TTC21A: variants seen among roughly 807,000 people sequenced by gnomAD.
The protein encoded by TTC21A is tetratricopeptide repeat domain 21A, also known as tetratricopeptide repeat protein 21A.
A neutral mutation model predicts 156.4 loss-of-function variants in TTC21A; 128 were observed. The ratio of observed to expected loss-of-function variants is 0.82; its 90% CI spans 0.71 to 0.95. The LOEUF (loss-of-function observed/expected upper bound fraction) is 0.95, where lower values mean the gene tolerates loss of function less well. Ranked by LOEUF, TTC21A falls within the 40% of genes least tolerant of loss-of-function variation. The pLI, the probability that TTC21A is intolerant of heterozygous loss-of-function variation, is 0.00. For missense variants in TTC21A, 1,435 were observed against 1,602.3 expected (o/e 0.90, Z 1.78); for synonymous variants, 587 against 617.1 (o/e 0.95, Z 0.72).
At position 39,136,246 on chromosome 3, in the gene TTC21A, C is replaced by T. The variant is rs905374255; in HGVS notation, c.2945-111C>T. ...AGACTCTGGAGCTGTTGGAATGTCC[C>T]TGCTCAGCCCAGATGGGCAGTATCT... is the stretch of plus-strand genomic sequence containing the variant. On this transcript the variant is annotated intron_variant, in intron 22 of 28. Transcript: ENST00000683103. 2.6e-6 allele frequency: 3 copies of T among 1,163,816 alleles called. No individual in the cohort carries two copies. In the African/African-American group the frequency reaches 4.6e-5, roughly 18 times the overall value. The allele number at this position is 1,163,816 out of a possible 1,614,324, so 72.1% of individuals were successfully genotyped here.
intron 10 of TTC21A, 35 bp from the exon 11 acceptor site, chr3:39,125,297 A>C: frequency 6.2e-7 from 1 of 1,604,868 alleles, no homozygotes; most frequent in Non-Finnish European, 8.5e-7. Flanking sequence ...GCCCAGGCTG[A>C]CATTGGCACT....
intron 6 of TTC21A, among the ~76,000 whole-genome samples, chr3:39,115,452 G>A (rs2037205788): frequency 6.6e-6 from 1 of 152,166 alleles, no homozygotes; most frequent in Admixed American, 6.5e-5. Context: ...CTTGAGCCCA[G>A]AAGTTCAAGA....
chr3:39,110,298 C>T (rs554041985), intron 3 of TTC21A, 159 bp downstream of exon 3: 1 of 687,190 alleles, frequency 1.5e-6, no homozygotes, highest in South Asian at 1.6e-5. Flanking sequence ...CTCCTCTCCC[C>T]CTGGAGGCCT....
At chr3:39,127,373 A>G (rs1470221703) in intron 12 of TTC21A, among the ~76,000 whole-genome samples, 1 of 152,028 alleles carries the variant, frequency 6.6e-6, no homozygotes, top group Non-Finnish European at 1.5e-5. Flanking sequence ...AGTCCTCCCT[A>G]TGTTCATTTG....
Position 39,119,953 on chromosome 3 carries a change from C to T in TTC21A, c.833C>T (p.Ala278Val), listed in dbSNP as rs1419113289. The T allele has an allele frequency of 3.7e-6, 6 of 1,609,522 alleles. No homozygotes were observed. The highest frequency in any genetic ancestry group is 5.1e-6 in the Non-Finnish European group (6 of 1,176,372). The change falls in exon 8 of 29, where the codon GCA (alanine) becomes GTA (valine). Residue 278 changes from alanine to valine, a missense_variant. Transcript: ENST00000683103. ...ATNHVRNLIK[A>V]LETREPENPS... Reference sequence around the variant, plus strand: ...AATCACGTTAGAAATCTGATTAAGGCACTAGAGACAAGGGAACCCGAAAAT... The same window carrying T: ...AATCACGTTAGAAATCTGATTAAGGTACTAGAGACAAGGGAACCCGAAAAT...
In TTC21A at chr3:39,137,038, G is replaced by C. The variant is rs1432470089; in HGVS notation, c.3235G>C (p.Glu1079Gln). ...CGAGGTTGTGGGCGGAGAGGCTTTT[G>C]AGAACCAGGGAGCTGAGAGCAAGTA... ...DNEVVGGEAF[E>Q]NQGAESNYME... is the part of the protein sequence containing the mutation. The change falls in exon 24 of 29, where the codon GAG becomes CAG. Residue 1079 changes from glutamate to glutamine, a missense_variant. Coordinates refer to ENST00000683103, the MANE Select transcript of TTC21A (RefSeq NM_001366900.1). 1 of 1,613,346 alleles carries C rather than the reference G, an allele frequency of 6.2e-7. No homozygotes were observed. The highest frequency in any genetic ancestry group is 8.5e-7 in the Non-Finnish European group (1 of 1,179,854).
chr3:39,134,275 C>A lies in TTC21A; in HGVS notation c.2809C>A (p.Gln937Lys). 6.2e-7 allele frequency: 1 copy of A among 1,614,060 alleles called. No homozygotes were observed. The highest frequency in any genetic ancestry group is 8.5e-7 in the Non-Finnish European group (1 of 1,179,966). The part of the protein sequence containing the change: ...LLQGHLDLCE[Q>K]HCAILLQTEQ... ...CCAGGGGCACCTGGACCTGTGTGAG[C>A]AGCACTGTGCCATCCTCCTGCAGAC... is the stretch of plus-strand genomic sequence containing the variant. Residue 937 changes from glutamine to lysine, a missense_variant, in exon 21 of 29, where the codon CAG becomes AAG. Coordinates refer to ENST00000683103, the MANE Select transcript of TTC21A (RefSeq NM_001366900.1). This position sits in a 1 kb window ranked among gnomAD's most constrained non-coding sequence, Gnocchi z 4.6.
intron 5 of TTC21A, among the ~76,000 whole-genome samples, chr3:39,114,206 A>G (rs971112505): frequency 6.6e-6 from 1 of 152,258 alleles, no homozygotes; most frequent in African/African-American, 2.4e-5. Context: ...CAGTGAGGAA[A>G]TATGGAAAAG....
Position 39,138,803 on chromosome 3 carries a change from C to T in TTC21A, c.*15C>T. The T allele has an allele frequency of 6.2e-7, 1 of 1,610,326 alleles. No homozygotes were observed. The highest frequency in any genetic ancestry group is 8.5e-7 in the Non-Finnish European group (1 of 1,176,930). ...TGAGGCCCTAGCTGGGGTCAAGGGGCCTGGACCAGTAGAAGCCATCAACCT... is the reference window on the plus strand; with the variant it reads ...TGAGGCCCTAGCTGGGGTCAAGGGGTCTGGACCAGTAGAAGCCATCAACCT... On this transcript the variant is annotated 3_prime_UTR_variant, in exon 29 of 29. Coordinates refer to ENST00000683103, the MANE Select transcript of TTC21A (RefSeq NM_001366900.1).
In TTC21A at chr3:39,134,690, C is replaced by G. The variant is rs1335576982; in HGVS notation, c.2862+362C>G. On this transcript the variant is annotated intron_variant, in intron 21 of 28. Coordinates refer to ENST00000683103, the MANE Select transcript of TTC21A (RefSeq NM_001366900.1). This position sits in a 1 kb window ranked among gnomAD's most constrained non-coding sequence, Gnocchi z 4.6. Reference sequence around the variant, plus strand: ...CTCTTCCCTATCATCCAGACCTCCTCTAGGGCTGGCCCAGGAGCAGAAGCT... The same window carrying G: ...CTCTTCCCTATCATCCAGACCTCCTGTAGGGCTGGCCCAGGAGCAGAAGCT... 2.1e-6 allele frequency: 1 copy of G among 471,004 alleles called. No individual in the cohort carries two copies. Among genetic ancestry groups the G allele is most frequent in the African/African-American group, 2.0e-5 (1 of 51,064 alleles). 29.2% of individuals were successfully genotyped at this position (471,004 alleles called of 1,614,324 possible). A position where few individuals can be genotyped will look rare whatever the true frequency, so the allele number is the denominator to read the frequency against.
Position 39,130,839 on chromosome 3 carries a change from G to A in TTC21A, c.2458G>A (p.Val820Ile). The A allele has an allele frequency of 1.2e-5, 19 of 1,614,184 alleles. No individual in the cohort carries two copies. The highest frequency in any genetic ancestry group is 1.6e-5 in the Non-Finnish European group (19 of 1,180,022). The change falls in exon 18 of 29, where the codon GTC (valine) becomes ATC (isoleucine). Residue 820 changes from valine (V) to isoleucine (I), a missense_variant and splice_region_variant. Transcript: ENST00000683103. This position sits in a 1 kb window ranked among gnomAD's most constrained non-coding sequence, Gnocchi z 4.5. The stretch of plus-strand genomic sequence containing the variant: ...GAAGCAGGCACTGGAACATGACATT[G>A]GTGAGGCAGCATTGTAACCCATTTC... ...VLKQALEHDI[V>I]QDIPSMMNDV...
intron 4 of TTC21A, among the ~76,000 whole-genome samples, 192 bp downstream of exon 4, chr3:39,111,209 T>A (rs1018376194): frequency 2.6e-5 from 4 of 152,186 alleles, no homozygotes; most frequent in African/African-American, 9.7e-5. Context: ...ACATTGGCAT[T>A]TGTACACAGA....
intron 9 of TTC21A, among the ~76,000 whole-genome samples, chr3:39,124,130 T>G (rs1373632654): frequency 2.0e-5 from 3 of 152,332 alleles, no homozygotes; most frequent in Non-Finnish European, 4.4e-5. Context: ...CTATGACCCA[T>G]CAGCTCTCCC....
At chr3:39,132,968 G>C in intron 19 of TTC21A, 84 bp from the exon 20 acceptor site, 1 of 1,487,944 alleles carries the variant, frequency 6.7e-7, no homozygotes, top group South Asian at 1.2e-5. Flanking sequence ...CATACTTCTG[G>C]CTTTGAATTA....
Position 39,125,126 on chromosome 3 carries a change from T to G in TTC21A, c.1157T>G (p.Leu386Arg), listed in dbSNP as rs2038111055. The change falls in exon 10 of 29, where the codon CTG (leucine) becomes CGG (arginine). Residue 386 changes from leucine (L) to arginine (R), a missense_variant. Transcript: ENST00000683103. ...LEEAEYRLEF[L>R]KEVQKSLGKS... is the part of the protein sequence containing the mutation. ...GAAGCTGAGTACCGGCTGGAATTCC[T>G]GAAGGAGGTGCAGAAGTCCCTTGGG... 2 of 1,613,862 alleles carry G rather than the reference T, an allele frequency of 1.2e-6. No individual in the cohort carries two copies. Among genetic ancestry groups the G allele is most frequent in the Non-Finnish European group, 1.7e-6 (2 of 1,179,992 alleles).
intron 11 of TTC21A, among the ~76,000 whole-genome samples, chr3:39,125,802 C>T (rs914775447): frequency 1.3e-5 from 2 of 152,192 alleles, no homozygotes; most frequent in Non-Finnish European, 2.9e-5. Flanking sequence ...TGCTGCTTGT[C>T]TAGGGACCAC....
chr3:39,111,144 C>T, intron 4 of TTC21A, 127 bp downstream of exon 4: 3 of 1,011,722 alleles, frequency 3.0e-6, no homozygotes, highest in Non-Finnish European at 4.2e-6. Flanking sequence ...ACTGGCAAAA[C>T]ACCGGGTCTC....
Position 39,128,500 on chromosome 3 carries a change from C to A in TTC21A, c.1680+12C>A. The A allele has an allele frequency of 1.2e-6, 2 of 1,614,000 alleles. No homozygotes were observed. Among genetic ancestry groups the A allele is most frequent in the Non-Finnish European group, 1.7e-6 (2 of 1,179,954 alleles). ...GCCACAACTTCCAGGTGGGTGCCCT[C>A]TCATCCTCTCAGCATCCCAAAGCCC... On this transcript the variant is annotated intron_variant, in intron 13 of 28. Coordinates refer to ENST00000683103, the MANE Select transcript of TTC21A (RefSeq NM_001366900.1).
Position 39,128,409 on chromosome 3 carries a change from T to A in TTC21A, c.1601T>A (p.Met534Lys). 1.7e-5 allele frequency: 28 copies of A among 1,614,202 alleles called. No homozygotes were observed. The highest frequency in any genetic ancestry group is 2.4e-5 in the Non-Finnish European group (28 of 1,180,028). ...GCCTCCGTGGATGCCCATCTCCTCA[T>A]GTGTCAGATCTACTTGGCTCAGGGC... ...DPASVDAHLL[M>K]CQIYLAQGNF... is the part of the protein sequence containing the mutation. The change falls in exon 13 of 29, where the codon ATG becomes AAG. Residue 534 changes from methionine (M) to lysine (K), a missense_variant. By Grantham distance (95) the Met-to-Lys change is moderately conservative. Coordinates refer to ENST00000683103, the MANE Select transcript of TTC21A (RefSeq NM_001366900.1).
Sources: allele counts gnomAD v4.1 joint callset (sites outside exome capture counted in the v4.1 genomes callset), GRCh38; gene constraint gnomAD v4.1.1; non-coding constraint Gnocchi (gnomAD v3.1); transcripts MANE v1.5; gene names NCBI Gene and HGNC (gene_info 2026-07-23, HGNC 2026-07-21).